The following FRMD3 variants were observed in gnomAD, a reference collection of about 807,000 sequenced individuals.
FRMD3 encodes FERM domain-containing protein 3.
A neutral mutation model predicts 70.2 loss-of-function variants in FRMD3; 33 were observed. The ratio of observed to expected loss-of-function variants is 0.47; its 90% confidence interval spans 0.36 to 0.63. The LOEUF (loss-of-function observed/expected upper bound fraction) is 0.63, where lower values mean the gene tolerates loss of function less well. Among genes scored for constraint, FRMD3 ranks in the 20% least tolerant of loss-of-function variants. FRMD3 has a pLI of 0.00. For missense variants in FRMD3, 632 were observed against 711.4 expected (o/e 0.89, Z 1.27); for synonymous variants, 279 against 255.9 (o/e 1.09, Z -0.86).
chr9:83,415,555 G>C (rs1238135155), intron 1 of FRMD3, among the ~76,000 whole-genome samples: 3 of 146,042 alleles, frequency 2.1e-5, no homozygotes, highest in African/African-American at 7.7e-5. Flanking sequence ...CCATACTCCT[G>C]CTTCAGCCTC....
At chr9:83,429,258 C>T (rs4877761) in intron 1 of FRMD3, among the ~76,000 whole-genome samples, 87,006 of 151,974 alleles carry the variant, frequency 0.57, 26,057 homozygotes, top group African/African-American at 0.77. Flanking sequence ...TGTCTCACCA[C>T]TGCTTGGGGC....
intron 12 of FRMD3, among the ~76,000 whole-genome samples, chr9:83,293,211 G>A (rs1298043195): frequency 5.3e-5 from 8 of 152,114 alleles, no homozygotes; most frequent in African/African-American, 1.7e-4. Context: ...ATAAAAATTC[G>A]CCATGAGCAG....
chr9:83,459,594 G>A (rs533208188), intron 1 of FRMD3, among the ~76,000 whole-genome samples: 292 of 152,334 alleles, frequency 1.9e-3, no homozygotes, highest in African/African-American at 6.5e-3. Flanking sequence ...CACTCTCAGG[G>A]CCCACACTCA....
chr9:83,408,776 A>G (rs1049942980), intron 1 of FRMD3, among the ~76,000 whole-genome samples: 8 of 152,182 alleles, frequency 5.3e-5, no homozygotes, highest in African/African-American at 1.9e-4. Context: ...TTACCAGAGC[A>G]GAGTTAAGCT....
chr9:83,416,776 T>TCTCTCTCTCTCTCTCTCTCC (rs1826464583), intron 1 of FRMD3, among the ~76,000 whole-genome samples: 1 of 135,726 alleles, frequency 7.4e-6, no homozygotes, highest in Admixed American at 7.3e-5. Context: ...TCTCTCTCTC[T>TCTCTCTCTCTCTCTCTCTCC]CTCTCTCTCT....
At chr9:83,497,256 G>T (rs1828963457) in intron 1 of FRMD3, among the ~76,000 whole-genome samples, 1 of 152,124 alleles carries the variant, frequency 6.6e-6, no homozygotes, top group Non-Finnish European at 1.5e-5. Context: ...GCTAGATAAT[G>T]AAATTATTAC....
intron 1 of FRMD3, among the ~76,000 whole-genome samples, chr9:83,389,913 A>G (rs1444711385): frequency 2.6e-5 from 4 of 150,956 alleles, no homozygotes; most frequent in Admixed American, 6.6e-5. Flanking sequence ...CACACACACA[A>G]ACACACACAC....
At chr9:83,568,960 A>G in the FRMD3 span, among the ~76,000 whole-genome samples, 1 of 66,324 alleles carries the variant, frequency 1.5e-5, no homozygotes. Context: ...AGATAGATAC[A>G]TACATACATA....
chr9:83,317,802 A>G (rs981442187), intron 6 of FRMD3, among the ~76,000 whole-genome samples: 9 of 152,180 alleles, frequency 5.9e-5, no homozygotes, highest in Admixed American at 4.6e-4. Context: ...ACACACCCTT[A>G]AACTCTAGGA....
intron 1 of FRMD3, among the ~76,000 whole-genome samples, chr9:83,485,802 A>G (rs1311711650): frequency 1.3e-5 from 2 of 152,226 alleles, no homozygotes; most frequent in Admixed American, 1.3e-4. Flanking sequence ...TGTCATTCAC[A>G]TACATATATG....
chr9:83,407,570 T>A (rs1353721298), intron 1 of FRMD3, among the ~76,000 whole-genome samples: 3 of 152,210 alleles, frequency 2.0e-5, no homozygotes, highest in African/African-American at 7.2e-5. Flanking sequence ...CTCTTGGATT[T>A]TGTTTTCATA....
intron 5 of FRMD3, among the ~76,000 whole-genome samples, chr9:83,339,734 G>C (rs1823694154): frequency 1.3e-5 from 2 of 152,134 alleles, no homozygotes; most frequent in African/African-American, 4.8e-5. Flanking sequence ...GGTCACAATG[G>C]CCTGTTTCCT....
chr9:83,550,582 G>C, the FRMD3 span, among the ~76,000 whole-genome samples: 3 of 151,958 alleles, frequency 2.0e-5, no homozygotes, highest in African/African-American at 7.2e-5. Context: ...CACAAACATG[G>C]GATGTTTTTC....
chr9:83,406,143 C>T (rs567172879), intron 1 of FRMD3, among the ~76,000 whole-genome samples: 2 of 152,282 alleles, frequency 1.3e-5, no homozygotes, highest in Admixed American at 6.5e-5. Context: ...CAGGAGTCTT[C>T]GGATCTCACA....
chr9:83,297,864 G>A, intron 12 of FRMD3: 1 of 470,782 alleles, frequency 2.1e-6, no homozygotes, highest in Non-Finnish European at 4.4e-6. Flanking sequence ...CGGTGTGGGA[G>A]AGAAATGCCA....
rs56163115 is a variant in FRMD3 at position 83,346,255 on chromosome 9, CAAA to C, written c.375-2971_375-2969del. Among the ~76,000 whole-genome samples the C allele has an allele frequency of 5.1e-3, 318 of 62,126 alleles. 2 individuals are homozygous for C. The highest frequency in any genetic ancestry group is 0.02 in the African/African-American group (302 of 14,866). 40.8% of individuals were successfully genotyped at this position (62,126 alleles called of 152,430 possible). A position where few individuals can be genotyped will look rare whatever the true frequency, so the allele number is the denominator to read the frequency against. ...TGAGCGACAGAGCAAGACGCCATCT[CAAA>C]AAAAAAAAAAAAAAAAAAAAAGTGC... On this transcript the variant is annotated intron_variant, in intron 4 of 13. Coordinates refer to ENST00000304195, the MANE Select transcript of FRMD3 (RefSeq NM_174938.6).
chr9:83,291,436 G>A (rs1353069272), intron 12 of FRMD3, among the ~76,000 whole-genome samples: 2 of 152,176 alleles, frequency 1.3e-5, no homozygotes, highest in African/African-American at 4.8e-5. Flanking sequence ...CTGCCTGCAG[G>A]TGGATGTTTG....
At chr9:83,506,847 ATT>A (rs1829193388) in intron 1 of FRMD3, among the ~76,000 whole-genome samples, 1 of 152,074 alleles carries the variant, frequency 6.6e-6, no homozygotes, top group African/African-American at 2.4e-5. Flanking sequence ...TGCACATAAT[ATT>A]TTCTTAATAT....
intron 13 of FRMD3, among the ~76,000 whole-genome samples, chr9:83,249,424 A>C (rs1832296925): frequency 6.6e-6 from 1 of 152,206 alleles, no homozygotes; most frequent in Admixed American, 6.5e-5. Context: ...AGTGGGAAAT[A>C]AAGTTAGCAT....
Sources: gnomAD v4.1 joint callset for allele counts (sites outside exome capture counted in the v4.1 genomes callset) on GRCh38, gnomAD v4.1.1 for gene constraint, MANE v1.5 for transcripts, NCBI Gene and HGNC (gene_info 2026-07-23, HGNC 2026-07-21) for gene names.